NBEAL1: variants seen among roughly 807,000 people sequenced by gnomAD.
NBEAL1 encodes the protein neurobeachin like 1.
A neutral mutation model predicts 351.3 loss-of-function variants in NBEAL1; 273 were observed. The ratio of observed to expected loss-of-function variants is 0.78; its 90% CI spans 0.70 to 0.86. The LOEUF (loss-of-function observed/expected upper bound fraction) is 0.86. Among genes scored for constraint, NBEAL1 ranks in the 40% least tolerant of loss-of-function variants. NBEAL1 has a pLI of 0.00. For synonymous variants in NBEAL1, 1,050 were observed against 1,086.4 expected, an observed-to-expected ratio of 0.97 and a Z score of 0.66; for missense variants, 2,961 against 3,201.3, an observed-to-expected ratio of 0.92 and a Z score of 1.81.
chr2:203,062,107 A>C lies in NBEAL1; in HGVS notation c.515+4654A>C. The C allele has an allele frequency of 2.7e-6, 1 of 373,252 alleles. No homozygotes were observed. Among genetic ancestry groups the C allele is most frequent in the Non-Finnish European group, 5.2e-6 (1 of 192,606 alleles). The allele number at this position is 373,252 out of a possible 1,614,324, so 23.1% of individuals were successfully genotyped here. ...ACACATTCTGCATACACATGGTTTT[A>C]CTTTAGTAGAAACTTTCTTGTTCAG... On this transcript the variant is annotated intron_variant, in intron 6 of 55. Coordinates refer to ENST00000683969, the MANE Select transcript of NBEAL1 (RefSeq NM_001378026.1). This position sits in a 1 kb window ranked among gnomAD's most constrained non-coding sequence, Gnocchi z 4.2.
At chr2:203,106,364 G>A (rs13385574) in intron 12 of NBEAL1, among the ~76,000 whole-genome samples, 44,601 of 152,000 alleles carry the variant, frequency 0.29, 7,133 homozygotes, top group East Asian at 0.61. Flanking sequence ...TGTGTTAGGA[G>A]ACTCTAACTT....
At chr2:203,180,582 A>G in intron 43 of NBEAL1, 70 bp downstream of exon 43, 1 of 1,370,112 alleles carries the variant, frequency 7.3e-7, no homozygotes, top group South Asian at 1.3e-5. Context: ...GTCTTTCAGG[A>G]CATTTTTGTA....
rs757155526 is a variant in NBEAL1 at position 203,148,992 on chromosome 2, A to G, written c.5306A>G (p.Glu1769Gly). The change falls in exon 34 of 56, where the codon GAG becomes GGG. Residue 1769 changes from glutamate to glycine, a missense_variant and splice_region_variant. Transcript: ENST00000683969. The part of the protein sequence containing the change: ...EGGESKLKFQ[E>G]LFVEPFNRKA... ...CTTACTTTTTATTGTTTCTTTCAGG[A>G]GCTGTTTGTGGAGCCATTTAATCGA... 3 of 1,604,356 alleles carry G rather than the reference A, an allele frequency of 1.9e-6. No homozygotes were observed. Among genetic ancestry groups the G allele is most frequent in the Non-Finnish European group, 2.6e-6 (3 of 1,174,952 alleles).
intron 31 of NBEAL1, 125 bp from the exon 32 acceptor site, chr2:203,144,475 T>C: frequency 1.1e-6 from 1 of 878,458 alleles, no homozygotes; most frequent in Non-Finnish European, 1.7e-6. Context: ...AAGTAACATC[T>C]GAGACCTTTC....
At position 203,225,180 on chromosome 2, in the gene NBEAL1, A is replaced by C. The variant is rs182453531; in HGVS notation, c.*7826A>C. ...GGGTTTGAATCAAATAAAAAAAGTGATGTTACTTTCTTCAGTTGATTTGTA... is the reference window on the plus strand; with the variant it reads ...GGGTTTGAATCAAATAAAAAAAGTGCTGTTACTTTCTTCAGTTGATTTGTA... On this transcript the variant is annotated 3_prime_UTR_variant, in exon 56 of 56. Transcript: ENST00000683969. 6.6e-6 allele frequency among the ~76,000 whole-genome samples: 1 copy of C among 152,312 alleles called. No homozygotes were observed. Among genetic ancestry groups the C allele is most frequent in the African/African-American group, 2.4e-5 (1 of 41,582 alleles).
At chr2:203,140,740 C>T (rs1483534782) in intron 31 of NBEAL1, among the ~76,000 whole-genome samples, 1 of 152,072 alleles carries the variant, frequency 6.6e-6, no homozygotes, top group African/African-American at 2.4e-5. Context: ...AAAGTAATAT[C>T]TAAAATATGA....
At chr2:203,135,591 TATC>T (rs1281538534) in intron 27 of NBEAL1, 83 bp from the exon 28 acceptor site, 8 of 801,264 alleles carry the variant, frequency 1.0e-5, no homozygotes, top group Middle Eastern at 3.1e-4. Flanking sequence ...TAAATTACCT[TATC>T]ATTAAAATAA....
At chr2:203,070,339 T>TTCTCTC (rs1227694604) in intron 7 of NBEAL1, among the ~76,000 whole-genome samples, 15 of 150,598 alleles carry the variant, frequency 1.0e-4, no homozygotes, top group African/African-American at 3.7e-4. Flanking sequence ...TAACTTGTAT[T>TTCTCTC]TCTCTCTCTC....
intron 18 of NBEAL1, among the ~76,000 whole-genome samples, chr2:203,119,424 C>CTTTTTTTTTTTTTTTTCTTTTTT (rs2062777452): frequency 1.5e-5 from 1 of 66,656 alleles, no homozygotes; most frequent in Non-Finnish European, 2.6e-5. Flanking sequence ...CGGCCTGTTG[C>CTTTTTTTTTTTTTTTTCTTTTTT]TTTTTTTTTT....
intron 12 of NBEAL1, 36 bp downstream of exon 12, chr2:203,099,748 T>G: frequency 7.3e-7 from 1 of 1,366,986 alleles, no homozygotes; most frequent in Non-Finnish European, 1.0e-6. Flanking sequence ...TTTTTTTTCT[T>G]AACTTTTATT....
chr2:203,197,191 G>T, intron 47 of NBEAL1, 111 bp from the exon 48 acceptor site: 1 of 592,912 alleles, frequency 1.7e-6, no homozygotes, highest in East Asian at 2.7e-5. Context: ...TGTTTCAAGA[G>T]AGTAAAATGA....
chr2:203,029,691 C>CAAAA (rs11407531), intron 2 of NBEAL1, among the ~76,000 whole-genome samples: 1 of 101,232 alleles, frequency 9.9e-6, no homozygotes. Context: ...GACCCTGTCT[C>CAAAA]AAAAAAAAAA....
chr2:203,125,632 T>A, intron 20 of NBEAL1, 112 bp downstream of exon 20: 1 of 1,015,314 alleles, frequency 9.8e-7, no homozygotes, highest in Non-Finnish European at 1.3e-6. Context: ...TTTGTAGCTG[T>A]AGCAGTTGTT....
Position 203,145,095 on chromosome 2 carries a change from G to A in NBEAL1, c.5239G>A (p.Glu1747Lys), listed in dbSNP as rs2063477405. Residue 1747 changes from glutamate to lysine, a missense_variant, in exon 33 of 56, where the codon GAA (glutamate) becomes AAA (lysine). By Grantham distance (56) the Glu-to-Lys change is moderately conservative. Transcript: ENST00000683969. ...NMALYWKDCY[E>K]ALMVNMHKRD... ...GGCACTTTATTGGAAGGATTGTTAT[G>A]AAGCTTTAATGGTAAATATGCATAA... The A allele has an allele frequency of 6.2e-7, 1 of 1,613,320 alleles. No individual in the cohort carries two copies. The highest frequency in any genetic ancestry group is 1.1e-5 in the South Asian group (1 of 90,880).
chr2:203,136,580 T>C lies in NBEAL1; in HGVS notation c.4390-19T>C. 6.4e-7 allele frequency: 1 copy of C among 1,560,442 alleles called. No homozygotes were observed. The highest frequency in any genetic ancestry group is 1.1e-5 in the South Asian group (1 of 87,616). On this transcript the variant is annotated intron_variant, in intron 28 of 55. Transcript: ENST00000683969. ...ACTACACCCTCTAGTTATTTAAAATTACTTTATATTTTCCATAGAGATGTG... is the reference window on the plus strand; with the variant it reads ...ACTACACCCTCTAGTTATTTAAAATCACTTTATATTTTCCATAGAGATGTG...
chr2:203,210,676 A>T (rs1559069726), intron 53 of NBEAL1, among the ~76,000 whole-genome samples: 1 of 152,030 alleles, frequency 6.6e-6, no homozygotes, highest in African/African-American at 2.4e-5. Context: ...AAGAAAAAGA[A>T]TTTTTTTCTT....
chr2:203,125,361 A>G lies in NBEAL1; in HGVS notation c.2692A>G (p.Asn898Asp). 1 of 1,513,558 alleles carries G rather than the reference A, an allele frequency of 6.6e-7. No individual in the cohort carries two copies. 93.8% of individuals were successfully genotyped at this position (1,513,558 alleles called of 1,614,324 possible). The change falls in exon 20 of 56, where the codon AAC (asparagine) becomes GAC (aspartate). Residue 898 changes from asparagine to aspartate, a missense_variant. Coordinates refer to ENST00000683969, the MANE Select transcript of NBEAL1 (RefSeq NM_001378026.1). The part of the protein sequence containing the change: ...VVNWDIKDII[N>D]CIGGLNVLFP... ...ATAATTTTCCCTTTAGGATATCATA[A>G]ACTGCATAGGTGGGTTAAATGTACT...
chr2:203,203,323 ATTTT>A (rs1559062724), intron 51 of NBEAL1, among the ~76,000 whole-genome samples: 20 of 145,198 alleles, frequency 1.4e-4, no homozygotes, highest in South Asian at 2.2e-4. Flanking sequence ...TTTTTATTGT[ATTTT>A]TTGTATTTTT....
At chr2:203,015,893 T>A (rs1180215282) in intron 1 of NBEAL1, 1 of 152,564 alleles carries the variant, frequency 6.6e-6, no homozygotes, top group Non-Finnish European at 1.5e-5. Context: ...TCTTGCTCCT[T>A]ATTCTCACTG....
Sources: gnomAD v4.1 joint callset for allele counts (sites outside exome capture counted in the v4.1 genomes callset) on GRCh38, gnomAD v4.1.1 for gene constraint, Gnocchi (gnomAD v3.1) non-coding constraint, MANE v1.5 for transcripts, NCBI Gene and HGNC (gene_info 2026-07-23, HGNC 2026-07-21) for gene names.